The following CCDC6 variants were observed in gnomAD, a reference collection of about 807,000 sequenced individuals.
CCDC6 encodes the protein coiled-coil domain containing 6.
CCDC6 carries 20 observed loss-of-function variants against 56.6 expected under a neutral mutation model. The observed-to-expected ratio is 0.35, with a 90% CI of 0.25 to 0.51. The LOEUF (loss-of-function observed/expected upper bound fraction) is 0.51, where lower values mean the gene tolerates loss of function less well. Among genes scored for constraint, CCDC6 ranks in the 20% least tolerant of loss-of-function variants. The probability of loss-of-function intolerance (pLI) is 0.95; values close to 1 mark genes in which losing one functional copy is unlikely to be tolerated. For missense variants in CCDC6, 367 were observed against 601.1 expected, an observed-to-expected ratio of 0.61 and a Z score of 4.07; for synonymous variants, 241 against 234.4, an observed-to-expected ratio of 1.03 and a Z score of -0.26.
At chr10:59,801,208 G>A (rs1364478010) in intron 7 of CCDC6, among the ~76,000 whole-genome samples, 1 of 152,094 alleles carries the variant, frequency 6.6e-6, no homozygotes, top group East Asian at 1.9e-4. Flanking sequence ...AAAAATTGTG[G>A]AAACAAATTA....
intron 2 of CCDC6, among the ~76,000 whole-genome samples, chr10:59,850,048 CA>C (rs1290630055): frequency 6.6e-6 from 1 of 152,126 alleles, no homozygotes; most frequent in East Asian, 1.9e-4. Flanking sequence ...TAGGCACTAT[CA>C]AAAAATAGAC....
intron 1 of CCDC6, among the ~76,000 whole-genome samples, chr10:59,857,530 A>C (rs2071089727): frequency 6.6e-6 from 1 of 152,208 alleles, no homozygotes; most frequent in Admixed American, 6.5e-5. Flanking sequence ...AAAATCACGT[A>C]GGGTGGTGCA....
At chr10:59,876,578 C>A in intron 1 of CCDC6, among the ~76,000 whole-genome samples, 1 of 135,708 alleles carries the variant, frequency 7.4e-6, no homozygotes. Context: ...TAAACTACAC[C>A]TGTTAAGGGG....
intron 1 of CCDC6, among the ~76,000 whole-genome samples, chr10:59,871,796 C>T (rs889414457): frequency 6.6e-6 from 1 of 152,072 alleles, no homozygotes; most frequent in Non-Finnish European, 1.5e-5. Flanking sequence ...AGGGGATCCA[C>T]GCTGCTTTGA....
intron 3 of CCDC6, among the ~76,000 whole-genome samples, chr10:59,816,307 T>G (rs991124250): frequency 6.6e-6 from 1 of 152,214 alleles, no homozygotes; most frequent in Non-Finnish European, 1.5e-5. Context: ...AAAACTCTCC[T>G]GTGACGACAC....
At chr10:59,869,283 G>A (rs894263225) in intron 1 of CCDC6, among the ~76,000 whole-genome samples, 32 of 146,528 alleles carry the variant, frequency 2.2e-4, no homozygotes, top group African/African-American at 5.8e-4. Context: ...CCAACCTGTC[G>A]TCACCACCTG....
At chr10:59,811,248 T>A (rs1388573657) in intron 5 of CCDC6, among the ~76,000 whole-genome samples, 1 of 152,180 alleles carries the variant, frequency 6.6e-6, no homozygotes, top group Non-Finnish European at 1.5e-5. Context: ...ATGATACTGA[T>A]ACACCATCCC....
chr10:59,826,403 C>T (rs950773440), intron 3 of CCDC6, among the ~76,000 whole-genome samples: 1 of 152,184 alleles, frequency 6.6e-6, no homozygotes, highest in Non-Finnish European at 1.5e-5. Flanking sequence ...CCCACTTAAC[C>T]AGTGGGTCTT....
intron 3 of CCDC6, among the ~76,000 whole-genome samples, chr10:59,828,797 T>C (rs1425134019): frequency 1.3e-5 from 2 of 152,172 alleles, no homozygotes; most frequent in African/African-American, 4.8e-5. Context: ...TAAGAGGCTG[T>C]TGTCCCAATT....
chr10:59,820,631 C>T (rs1001569985), intron 3 of CCDC6, among the ~76,000 whole-genome samples: 2 of 151,992 alleles, frequency 1.3e-5, no homozygotes, highest in South Asian at 2.1e-4. Flanking sequence ...GCTTCCAGTC[C>T]CAGCTACTCA....
At chr10:59,899,726 G>A (rs1424914801) in intron 1 of CCDC6, among the ~76,000 whole-genome samples, 1 of 152,184 alleles carries the variant, frequency 6.6e-6, no homozygotes, top group African/African-American at 2.4e-5. Context: ...CACTTCCAAT[G>A]GGGCTACTTT....
chr10:59,881,853 T>C (rs1036120368), intron 1 of CCDC6, among the ~76,000 whole-genome samples: 2 of 152,184 alleles, frequency 1.3e-5, no homozygotes, highest in Admixed American at 1.3e-4. Flanking sequence ...AAAAATATCC[T>C]CACTCCACGT....
chr10:59,840,588 G>C lies in CCDC6; in HGVS notation c.454-7935C>G, dbSNP rs560208558. Among the ~76,000 whole-genome samples, 3 of 152,266 alleles carry C rather than the reference G, an allele frequency of 2.0e-5. No individual in the cohort carries two copies. In the South Asian group the frequency reaches 6.2e-4, roughly 32 times the overall value. On this transcript the variant is annotated intron_variant, in intron 2 of 8. Coordinates refer to ENST00000263102, the MANE Select transcript of CCDC6 (RefSeq NM_005436.5). Reference sequence around the variant, plus strand: ...TCTCTAGCCCAGACTTCTCTGTTGAGAGTCAGAACCTCTGTCCCACTGCCT... The same window carrying C: ...TCTCTAGCCCAGACTTCTCTGTTGACAGTCAGAACCTCTGTCCCACTGCCT...
chr10:59,889,810 C>T (rs1277325337), intron 1 of CCDC6, among the ~76,000 whole-genome samples: 1 of 152,166 alleles, frequency 6.6e-6, no homozygotes, highest in African/African-American at 2.4e-5. Flanking sequence ...GACCGCAGCC[C>T]CTGGGCTCTG....
chr10:59,815,333 G>C (rs1273137667), intron 3 of CCDC6, among the ~76,000 whole-genome samples: 1 of 152,152 alleles, frequency 6.6e-6, no homozygotes, highest in Non-Finnish European at 1.5e-5. Context: ...ATTTGATTTG[G>C]GGGAGGCTTT....
At chr10:59,879,356 T>G (rs1239434969) in intron 1 of CCDC6, among the ~76,000 whole-genome samples, 1 of 152,098 alleles carries the variant, frequency 6.6e-6, no homozygotes, top group Non-Finnish European at 1.5e-5. Flanking sequence ...TTATGAAAAA[T>G]AAGAGTCTAG....
chr10:59,846,006 C>T (rs1370233143), intron 2 of CCDC6, among the ~76,000 whole-genome samples: 2 of 152,126 alleles, frequency 1.3e-5, no homozygotes, highest in Non-Finnish European at 2.9e-5. Flanking sequence ...AACTTAGTGG[C>T]TTCGGAAACT....
chr10:59,887,148 G>T (rs2071388487), intron 1 of CCDC6, among the ~76,000 whole-genome samples: 2 of 152,164 alleles, frequency 1.3e-5, no homozygotes, highest in Non-Finnish European at 2.9e-5. Context: ...GAATTCCCTA[G>T]AATCAGCTTG....
chr10:59,824,909 T>C (rs190216576), intron 3 of CCDC6, among the ~76,000 whole-genome samples: 108 of 152,368 alleles, frequency 7.1e-4, no homozygotes, highest in African/African-American at 2.5e-3. Flanking sequence ...AAAGTATGCA[T>C]GGTAGTCACT....
Sources: allele counts gnomAD v4.1 joint callset (sites outside exome capture counted in the v4.1 genomes callset), GRCh38; gene constraint gnomAD v4.1.1; transcripts MANE v1.5; gene names NCBI Gene and HGNC (gene_info 2026-07-23, HGNC 2026-07-21).